The following CDH13 variants were observed in gnomAD, a reference collection of about 807,000 sequenced individuals.
CDH13 encodes cadherin-13.
In CDH13, 24 loss-of-function variants were observed where a neutral mutation model predicts 63.8. The ratio of observed to expected loss-of-function variants is 0.38; its 90% confidence interval spans 0.27 to 0.53. The LOEUF (loss-of-function observed/expected upper bound fraction) is 0.53. Ranked by LOEUF, CDH13 falls within the 20% of genes least tolerant of loss-of-function variation. The probability of loss-of-function intolerance (pLI) is 0.85; values close to 1 mark genes in which losing one functional copy is unlikely to be tolerated. For missense variants in CDH13, 1,049 were observed against 903.1 expected, an observed-to-expected ratio of 1.16 and a Z score of -2.07; for synonymous variants, 503 against 355.3, an observed-to-expected ratio of 1.42 and a Z score of -4.67.
At chr16:82,869,431 C>A (rs1055100320) in intron 2 of CDH13, among the ~76,000 whole-genome samples, 1 of 151,460 alleles carries the variant, frequency 6.6e-6, no homozygotes, top group Non-Finnish European at 1.5e-5. Flanking sequence ...TGATATGTAA[C>A]TTTATCCTTA....
chr16:83,378,387 C>G (rs1205545883), intron 6 of CDH13, among the ~76,000 whole-genome samples: 2 of 152,136 alleles, frequency 1.3e-5, no homozygotes, highest in Non-Finnish European at 2.9e-5. Context: ...AAAAACACAT[C>G]CCTTGACCAT....
At chr16:83,483,300 G>C (rs953012414) in intron 6 of CDH13, among the ~76,000 whole-genome samples, 2 of 152,132 alleles carry the variant, frequency 1.3e-5, no homozygotes, top group African/African-American at 4.8e-5. Flanking sequence ...TTAAGACCGA[G>C]TTCACCTGTT....
At chr16:83,687,332 T>C (rs1904406136) in intron 10 of CDH13, among the ~76,000 whole-genome samples, 1 of 152,204 alleles carries the variant, frequency 6.6e-6, no homozygotes, top group Non-Finnish European at 1.5e-5. Context: ...CTGCAGGCTA[T>C]ATAGGAAGCA....
intron 1 of CDH13, among the ~76,000 whole-genome samples, chr16:82,774,474 C>T (rs969696965): frequency 2.6e-4 from 40 of 152,278 alleles, no homozygotes; most frequent in Middle Eastern, 3.4e-3. Context: ...GGAAGCACTA[C>T]CTAGTGTCAG....
rs6565105 is a variant in CDH13, at chr16:83,032,059, G to C, written c.207G>C (p.Ser69=). The C allele has an allele frequency of 1.4e-3, 2,230 of 1,608,056 alleles. 1 individual carries two copies. Among genetic ancestry groups the C allele is most frequent in the Non-Finnish European group, 1.7e-3 (2,000 of 1,177,320 alleles). The change falls in exon 3 of 14, where the codon TCG becomes TCC. Residue 69 remains serine (S), a synonymous_variant. Transcript: ENST00000567109. The part of the protein sequence containing the change: ...KGNDKLRYEV[S]SPYFKVNSDG... ...ACGACAAGCTACGCTATGAGGTCTCGAGCCCATACTTCAAGGTGAACAGCG... is the reference window on the plus strand; with the variant it reads ...ACGACAAGCTACGCTATGAGGTCTCCAGCCCATACTTCAAGGTGAACAGCG...
intron 13 of CDH13, among the ~76,000 whole-genome samples, chr16:83,790,536 A>T (rs1050873811): frequency 6.6e-6 from 1 of 152,136 alleles, no homozygotes; most frequent in Non-Finnish European, 1.5e-5. Context: ...AGTGGCTGAG[A>T]CTACAAGCGC....
At chr16:83,430,948 C>T (rs1441580535) in intron 6 of CDH13, among the ~76,000 whole-genome samples, 2 of 150,298 alleles carry the variant, frequency 1.3e-5, no homozygotes, top group Non-Finnish European at 3.0e-5. Flanking sequence ...GGTATATCTC[C>T]CAATGCCATC....
intron 8 of CDH13, among the ~76,000 whole-genome samples, chr16:83,651,588 C>CTTTT (rs35237670): frequency 4.1e-3 from 307 of 75,292 alleles, no homozygotes; most frequent in Middle Eastern, 0.011. Context: ...TTATTTTCCT[C>CTTTT]TTTTTTTTTT....
intron 11 of CDH13, among the ~76,000 whole-genome samples, chr16:83,760,561 G>C (rs1913881847): frequency 6.6e-6 from 1 of 152,196 alleles, no homozygotes; most frequent in Admixed American, 6.5e-5. Flanking sequence ...CACAAACATA[G>C]TGTGCAGCAA....
intron 2 of CDH13, chr16:83,023,191 A>G (rs1029161898): frequency 6.6e-6 from 1 of 152,208 alleles, no homozygotes; most frequent in African/African-American, 2.4e-5. Context: ...TGACATTTGC[A>G]TTAAGCCCAG....
intron 2 of CDH13, among the ~76,000 whole-genome samples, chr16:82,943,656 G>A (rs1904373522): frequency 6.6e-6 from 1 of 152,156 alleles, no homozygotes; most frequent in Non-Finnish European, 1.5e-5. Flanking sequence ...TATTTACTGA[G>A]CACTTATTAT....
intron 4 of CDH13, among the ~76,000 whole-genome samples, chr16:83,202,951 T>C (rs7199356): frequency 0.098 from 14,917 of 152,140 alleles, 1,965 homozygotes; most frequent in African/African-American, 0.3. Context: ...TGGGGCCAGG[T>C]ACAGTGGCTC....
chr16:83,082,974 T>G (rs1265732385), intron 3 of CDH13, among the ~76,000 whole-genome samples: 1 of 72,830 alleles, frequency 1.4e-5, no homozygotes, highest in African/African-American at 5.7e-5. Flanking sequence ...TTCAAGAGAC[T>G]TTTCTAGTAA....
chr16:83,203,661 C>CA (rs61444893), intron 4 of CDH13, among the ~76,000 whole-genome samples: 72,042 of 83,984 alleles, frequency 0.86, 31,660 homozygotes, highest in Non-Finnish European at 0.93. Flanking sequence ...GACTCCATCT[C>CA]AAAAAAAAAA....
intron 1 of CDH13, among the ~76,000 whole-genome samples, chr16:82,788,357 A>C (rs1404167995): frequency 6.6e-6 from 1 of 152,208 alleles, no homozygotes; most frequent in African/African-American, 2.4e-5. Context: ...GAGATGGCTG[A>C]GTCCCAAGAG....
chr16:83,307,355 AG>A (rs1343672388), intron 5 of CDH13, among the ~76,000 whole-genome samples: 3 of 152,180 alleles, frequency 2.0e-5, no homozygotes, highest in Non-Finnish European at 4.4e-5. Context: ...GGGAAGATAA[AG>A]GTCAACTTAA....
At chr16:82,811,132 T>C (rs1393568072) in intron 1 of CDH13, among the ~76,000 whole-genome samples, 1 of 152,180 alleles carries the variant, frequency 6.6e-6, no homozygotes, top group African/African-American at 2.4e-5. Context: ...TAGACAGGCA[T>C]AGGTGTCCTG....
At chr16:83,505,288 G>A (rs1415571657) in intron 7 of CDH13, among the ~76,000 whole-genome samples, 2 of 152,266 alleles carry the variant, frequency 1.3e-5, no homozygotes, top group African/African-American at 4.8e-5. Context: ...CTACAACGAA[G>A]GATAATTCAA....
chr16:83,321,591 C>G (rs895809796), intron 5 of CDH13, among the ~76,000 whole-genome samples: 4 of 138,476 alleles, frequency 2.9e-5, no homozygotes, highest in African/African-American at 8.3e-5. Flanking sequence ...TGCAGTGGCG[C>G]AATCTTGGCT....
Sources: allele counts gnomAD v4.1 joint callset (sites outside exome capture counted in the v4.1 genomes callset), GRCh38; gene constraint gnomAD v4.1.1; transcripts MANE v1.5; gene names NCBI Gene and HGNC (gene_info 2026-07-23, HGNC 2026-07-21).